The following SAMD5 variants were observed in gnomAD, a reference collection of about 807,000 sequenced individuals.
The protein encoded by SAMD5 is sterile alpha motif domain containing 5.
SAMD5 carries 13 observed loss-of-function variants against 11.3 expected under a neutral mutation model. That is an observed-to-expected ratio of 1.15 (90% CI 0.75 to 1.83). The LOEUF is 1.83. Ranked by LOEUF, SAMD5 falls within the 40% of genes most tolerant of loss-of-function variation. SAMD5 has a pLI of 0.00. For missense variants in SAMD5, 255 were observed against 239.1 expected (o/e 1.07, Z -0.44); for synonymous variants, 129 against 111.3 (o/e 1.16, Z -1.00).
chr6:147,659,073 C>T (rs1790610597), intron 1 of SAMD5, among the ~76,000 whole-genome samples: 1 of 152,176 alleles, frequency 6.6e-6, no homozygotes, highest in African/African-American at 2.4e-5. Context: ...TTACAGAAAA[C>T]ACTGCAGATT....
intron 1 of SAMD5, among the ~76,000 whole-genome samples, chr6:147,691,974 G>GACACAC (rs141475823): frequency 4.4e-5 from 3 of 68,340 alleles, no homozygotes; most frequent in South Asian, 3.4e-4. Flanking sequence ...GGATGTATGT[G>GACACAC]ACACACACAC....
At chr6:147,834,646 C>T in the SAMD5 span, among the ~76,000 whole-genome samples, 2 of 152,178 alleles carry the variant, frequency 1.3e-5, no homozygotes, top group Non-Finnish European at 2.9e-5. Context: ...CTAGTCCGGG[C>T]TTACCACTGT....
the SAMD5 span, among the ~76,000 whole-genome samples, chr6:147,836,097 TGTAACTACTTCATGTAC>T: frequency 5.3e-5 from 8 of 152,234 alleles, no homozygotes; most frequent in African/African-American, 1.9e-4. Flanking sequence ...ATCCATTCAC[TGTAACTACTTCATGTAC>T]ATCCCACCTC....
the SAMD5 span, among the ~76,000 whole-genome samples, chr6:147,784,215 T>C: frequency 2.0e-5 from 3 of 152,170 alleles, no homozygotes; most frequent in South Asian, 6.2e-4. Flanking sequence ...TTTTTTAAGC[T>C]GAAAGATGTT....
the SAMD5 span, among the ~76,000 whole-genome samples, chr6:147,906,368 G>A: frequency 6.6e-6 from 1 of 152,108 alleles, no homozygotes; most frequent in Non-Finnish European, 1.5e-5. Context: ...CATTCTTCAC[G>A]GGTAAAAGTA....
the SAMD5 span, among the ~76,000 whole-genome samples, chr6:147,798,800 T>G: frequency 7.2e-4 from 110 of 152,332 alleles, 3 homozygotes; most frequent in East Asian, 0.021. Flanking sequence ...TCTTGTTGAA[T>G]TGAACCCTTT....
At chr6:147,809,005 G>C in the SAMD5 span, among the ~76,000 whole-genome samples, 1 of 152,100 alleles carries the variant, frequency 6.6e-6, no homozygotes, top group Non-Finnish European at 1.5e-5. Context: ...TATGATGTTA[G>C]GGCTTAATTT....
At chr6:147,643,060 G>C (rs1790337713) in intron 1 of SAMD5, among the ~76,000 whole-genome samples, 1 of 152,072 alleles carries the variant, frequency 6.6e-6, no homozygotes, top group African/African-American at 2.4e-5. Context: ...ATTAATCCTG[G>C]TGAGGAATAC....
the SAMD5 span, among the ~76,000 whole-genome samples, chr6:147,847,861 A>G: frequency 5.3e-5 from 8 of 152,144 alleles, no homozygotes; most frequent in Admixed American, 1.3e-4. Flanking sequence ...TCAAAAAAAC[A>G]AAAAACAAAA....
At chr6:147,533,659 C>G (rs1442395745) in intron 1 of SAMD5, among the ~76,000 whole-genome samples, 2 of 152,024 alleles carry the variant, frequency 1.3e-5, no homozygotes, top group Admixed American at 1.3e-4. Context: ...TCCCCTCTCC[C>G]CCTTCCTCCT....
chr6:147,908,643 G>A, the SAMD5 span, among the ~76,000 whole-genome samples: 4 of 152,098 alleles, frequency 2.6e-5, no homozygotes, highest in Non-Finnish European at 5.9e-5. Flanking sequence ...ATATTCCTGT[G>A]GATTTGTGTA....
intron 1 of SAMD5, among the ~76,000 whole-genome samples, chr6:147,528,728 T>C (rs1317741176): frequency 6.6e-6 from 1 of 152,192 alleles, no homozygotes; most frequent in African/African-American, 2.4e-5. Flanking sequence ...CTGATGAAAC[T>C]AGGTGGTTGC....
chr6:147,575,969 G>A (rs7454844), intron 1 of SAMD5, among the ~76,000 whole-genome samples: 14,918 of 151,902 alleles, frequency 0.098, 875 homozygotes, highest in Middle Eastern at 0.16. Flanking sequence ...CCTGATTATA[G>A]CGTTACCCCT....
At chr6:147,686,412 A>G (rs1046749428) in intron 1 of SAMD5, among the ~76,000 whole-genome samples, 3 of 152,170 alleles carry the variant, frequency 2.0e-5, no homozygotes, top group Non-Finnish European at 4.4e-5. Flanking sequence ...CATGCCTTTT[A>G]TATTTAGAAT....
chr6:147,903,501 T>C, the SAMD5 span, among the ~76,000 whole-genome samples: 1 of 152,210 alleles, frequency 6.6e-6, no homozygotes, highest in Non-Finnish European at 1.5e-5. Context: ...ACAGCAGTCA[T>C]TTCAAGATGG....
chr6:147,914,782 A>G, the SAMD5 span, among the ~76,000 whole-genome samples: 1 of 152,240 alleles, frequency 6.6e-6, no homozygotes, highest in Non-Finnish European at 1.5e-5. Context: ...AATTATTGCC[A>G]TCAATGAGAC....
At chr6:147,876,526 C>T in the SAMD5 span, among the ~76,000 whole-genome samples, 1 of 152,158 alleles carries the variant, frequency 6.6e-6, no homozygotes, top group Non-Finnish European at 1.5e-5. Flanking sequence ...GTGAATGGCA[C>T]CTCTGAATTG....
chr6:147,643,792 G>GGAAGGAAA (rs1299669059), intron 1 of SAMD5, among the ~76,000 whole-genome samples: 2 of 141,270 alleles, frequency 1.4e-5, no homozygotes, highest in African/African-American at 2.7e-5. Context: ...AAGGAAGGAA[G>GGAAGGAAA]GAAAGAGAGA....
At chr6:147,623,912 C>T (rs1790009698) in intron 1 of SAMD5, among the ~76,000 whole-genome samples, 1 of 152,054 alleles carries the variant, frequency 6.6e-6, no homozygotes, top group Admixed American at 6.6e-5. Flanking sequence ...CTCTGTCGCC[C>T]AGGCTCGAGT....
Sources: gnomAD v4.1 joint callset for allele counts (sites outside exome capture counted in the v4.1 genomes callset) on GRCh38, gnomAD v4.1.1 for gene constraint, MANE v1.5 for transcripts, NCBI Gene and HGNC (gene_info 2026-07-23, HGNC 2026-07-21) for gene names.